The following C6orf89 variants were observed in gnomAD, a reference collection of about 807,000 sequenced individuals.
C6orf89 encodes the protein bombesin receptor-activated protein C6orf89.
C6orf89 carries 29 observed loss-of-function variants against 40.7 expected under a neutral mutation model. The observed-to-expected ratio is 0.71, with a 90% confidence interval of 0.53 to 0.97. The LOEUF (loss-of-function observed/expected upper bound fraction) is 0.97. Among genes scored for constraint, C6orf89 ranks in the 50% least tolerant of loss-of-function variants. The pLI, the probability that C6orf89 is intolerant of heterozygous loss-of-function variation, is 0.00. For synonymous variants in C6orf89, 165 were observed against 152.2 expected, an observed-to-expected ratio of 1.08 and a Z score of -0.62; for missense variants, 392 against 429.1, an observed-to-expected ratio of 0.91 and a Z score of 0.76.
upstream of C6orf89, among the ~76,000 whole-genome samples, chr6:36,885,472 G>A (rs1476969933): frequency 4.6e-5 from 7 of 152,192 alleles, 1 homozygote; most frequent in East Asian, 1.2e-3. Flanking sequence ...TACTTAATTC[G>A]GCTTAAGTTT....
chr6:36,898,115 TTC>T (rs1244572027), intron 2 of C6orf89, among the ~76,000 whole-genome samples: 2 of 150,082 alleles, frequency 1.3e-5, no homozygotes, highest in African/African-American at 4.9e-5. Context: ...TGGGATCTCG[TTC>T]TGTCTCCCAG....
intron 1 of C6orf89, among the ~76,000 whole-genome samples, chr6:36,878,146 A>AATTGACCCAGCACCATTG (rs1774709184): frequency 6.6e-6 from 1 of 152,202 alleles, no homozygotes; most frequent in Non-Finnish European, 1.5e-5. Flanking sequence ...ATGGATATAC[A>AATTGACCCAGCACCATTG]ATTGACCCAG....
chr6:36,874,618 A>G, intron 1 of C6orf89: 1 of 1,489,832 alleles, frequency 6.7e-7, no homozygotes, highest in Non-Finnish European at 9.3e-7. Context: ...CTCCACGTGG[A>G]GGCCGGCCTC....
exon 1 of C6orf89, chr6:36,871,879 A>T (rs753985192): frequency 1.3e-6 from 2 of 1,573,596 alleles, no homozygotes; most frequent in Admixed American, 4.0e-5. Flanking sequence ...CATGCTGCAG[A>T]GGGAGAGGAC....
chr6:36,890,386 G>T (rs1761153033), intron 1 of C6orf89, among the ~76,000 whole-genome samples: 5 of 152,100 alleles, frequency 3.3e-5, no homozygotes, highest in African/African-American at 1.2e-4. Context: ...CGCACAAGTG[G>T]TATCATGTAG....
rs954818463 is a variant in C6orf89 at position 36,925,158 on chromosome 6, A to G, written c.*1717A>G. ...TGTTGTTAAGCAGTTATGATTTAAG[A>G]GGTTTTAAGTCAGAGGGATCATCTG... On this transcript the variant is annotated 3_prime_UTR_variant, in exon 9 of 9. Transcript: ENST00000480824. The G allele has an allele frequency of 5.3e-5, 8 of 152,172 alleles. No individual in the cohort carries two copies. Among genetic ancestry groups the G allele is most frequent in the African/African-American group, 1.7e-4 (7 of 41,430 alleles). 9.4% of individuals were successfully genotyped at this position (152,172 alleles called of 1,614,324 possible). A position where few individuals can be genotyped will look rare whatever the true frequency, so the allele number is the denominator to read the frequency against.
chr6:36,917,941 G>A (rs776392793), intron 7 of C6orf89, among the ~76,000 whole-genome samples: 28 of 152,222 alleles, frequency 1.8e-4, no homozygotes, highest in African/African-American at 1.9e-4. Flanking sequence ...TGTGGTTCTC[G>A]AGGATGTTTT....
rs1016706305 is a variant in C6orf89 at position 36,914,666 on chromosome 6, A to C, written c.668A>C (p.Glu223Ala). The C allele has an allele frequency of 1.2e-6, 2 of 1,614,042 alleles. No homozygotes were observed. The highest frequency in any genetic ancestry group is 1.7e-6 in the Non-Finnish European group (2 of 1,180,032). The stretch of plus-strand genomic sequence containing the variant: ...GCCAAGTGGTGGCGCTGCTTTCCTG[A>C]GCGGTGGTTCCCATTTCCTTATCCA... ...FFAKWWRCFP[E>A]RWFPFPYPWR... The change falls in exon 6 of 9, where the codon GAG (glutamate) becomes GCG (alanine). Residue 223 changes from glutamate to alanine, a missense_variant. Physicochemically the swap from Glu to Ala is moderately radical, Grantham distance 107 (BLOSUM62 -1). Coordinates refer to ENST00000480824, the MANE Select transcript of C6orf89 (RefSeq NM_001286635.2).
In C6orf89 at chr6:36,926,459, GGAGGCGGAGATTGCAGT is replaced by G. The variant is rs1583212885; in HGVS notation, c.*3022_*3038del. On this transcript the variant is annotated 3_prime_UTR_variant, in exon 9 of 9. Transcript: ENST00000480824. Reference sequence around the variant, plus strand: ...GAGGCAGGAAAATTGCTTGAACCGGGGAGGCGGAGATTGCAGTGAGCCAAGATTGTGCCACTTCATTC... The same window carrying G: ...GAGGCAGGAAAATTGCTTGAACCGGGGAGCCAAGATTGTGCCACTTCATTC... The G allele has an allele frequency of 6.6e-6, 1 of 151,944 alleles. No homozygotes were observed. Among genetic ancestry groups the G allele is most frequent in the African/African-American group, 2.4e-5 (1 of 41,298 alleles). The allele number at this position is 151,944 out of a possible 1,614,324, so 9.4% of individuals were successfully genotyped here. A position where few individuals can be genotyped will look rare whatever the true frequency, so the allele number is the denominator to read the frequency against.
intron 1 of C6orf89, among the ~76,000 whole-genome samples, chr6:36,872,296 G>A (rs980528986): frequency 3.3e-5 from 5 of 152,064 alleles, no homozygotes; most frequent in African/African-American, 4.8e-5. Context: ...AGAAGTTTCT[G>A]GGTGGGGGTA....
At chr6:36,893,283 C>T (rs893625854) in intron 1 of C6orf89, among the ~76,000 whole-genome samples, 15 of 151,746 alleles carry the variant, frequency 9.9e-5, no homozygotes, top group African/African-American at 3.6e-4. Context: ...TGTTTAATTA[C>T]CATCGTATCC....
intron 1 of C6orf89, among the ~76,000 whole-genome samples, chr6:36,878,229 AT>A (rs1387428247): frequency 5.3e-5 from 8 of 152,150 alleles, no homozygotes; most frequent in African/African-American, 1.9e-4. Flanking sequence ...AAGTGTCCAT[AT>A]ATGTGTTTTC....
In C6orf89 at chr6:36,900,085, C is replaced by G. The variant is rs1359539518; in HGVS notation, c.189+452C>G. ...TATTTTTAGTAGAGACAGGTTTTCTCCATGTTGGTCAGGCTGGTCTTGAAC... is the reference window on the plus strand; with the variant it reads ...TATTTTTAGTAGAGACAGGTTTTCTGCATGTTGGTCAGGCTGGTCTTGAAC... On this transcript the variant is annotated intron_variant, in intron 3 of 8. Coordinates refer to ENST00000480824, the MANE Select transcript of C6orf89 (RefSeq NM_001286635.2). Among the ~76,000 whole-genome samples the G allele has an allele frequency of 2.6e-5, 4 of 151,806 alleles. No individual in the cohort carries two copies. The East Asian group carries it at 7.7e-4, about 29-fold the overall frequency.
chr6:36,876,914 G>T (rs1384600714), intron 1 of C6orf89, among the ~76,000 whole-genome samples: 1 of 152,072 alleles, frequency 6.6e-6, no homozygotes, highest in Non-Finnish European at 1.5e-5. Flanking sequence ...GAAATAAAAT[G>T]TCTCCAATTC....
chr6:36,875,436 A>G (rs188567909), intron 1 of C6orf89, among the ~76,000 whole-genome samples: 72 of 152,374 alleles, frequency 4.7e-4, no homozygotes, highest in African/African-American at 1.7e-3. Flanking sequence ...GGAAGAAAAT[A>G]GGAGATAAAG....
At chr6:36,886,103 C>T in intron 1 of C6orf89, 75 bp downstream of exon 1, 9 of 1,181,352 alleles carry the variant, frequency 7.6e-6, no homozygotes, top group Non-Finnish European at 9.6e-6. Context: ...TCTCTGACAT[C>T]CTCGCGCAGC....
chr6:36,920,262 T>A (rs969227544), intron 8 of C6orf89, among the ~76,000 whole-genome samples: 1 of 152,222 alleles, frequency 6.6e-6, no homozygotes, highest in Non-Finnish European at 1.5e-5. Flanking sequence ...CCCTTGACCC[T>A]GGCTCAGTGT....
rs1387328182 is a variant in C6orf89, at chr6:36,902,231, C to T, written c.200C>T (p.Thr67Ile). The T allele has an allele frequency of 4.3e-6, 7 of 1,613,974 alleles. No individual in the cohort carries two copies. The highest frequency in any genetic ancestry group is 5.9e-6 in the Non-Finnish European group (7 of 1,179,964). ...TATCTTTCCTTGTAGGTTCTCGCAACCTTGGGATTAATCTTGCTCACTGCC... is the reference window on the plus strand; with the variant it reads ...TATCTTTCCTTGTAGGTTCTCGCAATCTTGGGATTAATCTTGCTCACTGCC... ...LLIVVYKVLA[T>I]LGLILLTAYF... Residue 67 changes from threonine (T) to isoleucine (I), a missense_variant, in exon 4 of 9, where the codon ACC becomes ATC. By Grantham distance (89) the Thr-to-Ile change is moderately conservative (BLOSUM62 -1). Coordinates refer to ENST00000480824, the MANE Select transcript of C6orf89 (RefSeq NM_001286635.2).
At position 36,919,628 on chromosome 6, in the gene C6orf89, G is replaced by A; in HGVS notation, c.876G>A (p.Leu292=). Reference sequence around the variant, plus strand: ...TCATTGGCAGCGGTGAGGCCATGTTGCAGCTCATCCCTCCCTTCCAGTGCC... The same window carrying A: ...TCATTGGCAGCGGTGAGGCCATGTTACAGCTCATCCCTCCCTTCCAGTGCC... ...LFIIGSGEAM[L]QLIPPFQCRR... is the part of the protein sequence containing the mutation. Residue 292 remains leucine (L), a synonymous_variant, in exon 8 of 9, where the codon TTG becomes TTA. Coordinates refer to ENST00000480824, the MANE Select transcript of C6orf89 (RefSeq NM_001286635.2). 1 of 1,614,114 alleles carries A rather than the reference G, an allele frequency of 6.2e-7. No individual in the cohort carries two copies. Among genetic ancestry groups the A allele is most frequent in the African/African-American group, 1.3e-5 (1 of 75,044 alleles).
Sources: gnomAD v4.1 joint callset for allele counts (sites outside exome capture counted in the v4.1 genomes callset) on GRCh38, gnomAD v4.1.1 for gene constraint, MANE v1.5 for transcripts, NCBI Gene and HGNC (gene_info 2026-07-23, HGNC 2026-07-21) for gene names.